The following PPFIA2 variants were observed in gnomAD, a reference collection of about 807,000 sequenced individuals.
The protein encoded by PPFIA2 is liprin-alpha-2.
In PPFIA2, 46 loss-of-function variants were observed where a neutral mutation model predicts 175.5. The ratio of observed to expected loss-of-function variants is 0.26; its 90% CI spans 0.21 to 0.34. The LOEUF (loss-of-function observed/expected upper bound fraction) is 0.34, where lower values mean the gene tolerates loss of function less well. Among genes scored for constraint, PPFIA2 ranks in the 10% least tolerant of loss-of-function variants. The pLI, the probability that PPFIA2 is intolerant of heterozygous loss-of-function variation, is 1.00. For missense variants in PPFIA2, 1,179 were observed against 1,506.1 expected (o/e 0.78, Z 3.60); for synonymous variants, 568 against 511.4 (o/e 1.11, Z -1.49).
intron 3 of PPFIA2, among the ~76,000 whole-genome samples, chr12:81,740,683 T>A (rs1293964251): frequency 6.6e-6 from 1 of 152,102 alleles, no homozygotes; most frequent in African/African-American, 2.4e-5. Flanking sequence ...AATAAATGAA[T>A]CATAAACATG....
At chr12:81,519,990 T>A (rs1202280250) in intron 4 of PPFIA2, among the ~76,000 whole-genome samples, 1 of 152,198 alleles carries the variant, frequency 6.6e-6, no homozygotes. Flanking sequence ...ATAAAAGTTA[T>A]GTGGATGTGG....
chr12:81,638,851 C>T (rs918524150), intron 4 of PPFIA2, among the ~76,000 whole-genome samples: 29 of 150,636 alleles, frequency 1.9e-4, no homozygotes, highest in African/African-American at 6.6e-4. Context: ...CTACGCCCGG[C>T]TAATTTTTTG....
At chr12:81,634,441 C>T (rs965727552) in intron 4 of PPFIA2, among the ~76,000 whole-genome samples, 3 of 152,016 alleles carry the variant, frequency 2.0e-5, no homozygotes, top group African/African-American at 7.2e-5. Flanking sequence ...TTTGGTTGAA[C>T]TGATGAAGCA....
At chr12:81,439,925 T>C in intron 7 of PPFIA2, 47 bp downstream of exon 7, 1 of 1,412,202 alleles carries the variant, frequency 7.1e-7, no homozygotes, top group Non-Finnish European at 9.8e-7. Flanking sequence ...AGGGATGTAA[T>C]GTCAGCGATA....
chr12:81,560,504 T>C (rs2069823602), intron 4 of PPFIA2, among the ~76,000 whole-genome samples: 1 of 152,184 alleles, frequency 6.6e-6, no homozygotes, highest in African/African-American at 2.4e-5. Context: ...GATGACTTAC[T>C]TCTTTCATAA....
chr12:81,718,181 G>A lies in PPFIA2; in HGVS notation c.249+35792C>T, dbSNP rs186459881. Among the ~76,000 whole-genome samples the A allele has an allele frequency of 3.4e-3, 512 of 151,720 alleles. 3 individuals are homozygous for A. Among genetic ancestry groups the A allele is most frequent in the South Asian group, 0.012 (56 of 4,820 alleles). On this transcript the variant is annotated intron_variant, in intron 3 of 32. Transcript: ENST00000549396. ...TTTTAATATGTCAGGTAGTGACATGGCTTTGTGGCTAGAGGAAGACAGAGA... is the reference window on the plus strand; with the variant it reads ...TTTTAATATGTCAGGTAGTGACATGACTTTGTGGCTAGAGGAAGACAGAGA...
chr12:81,734,553 A>G (rs1394642062), intron 3 of PPFIA2, among the ~76,000 whole-genome samples: 1 of 151,802 alleles, frequency 6.6e-6, no homozygotes, highest in Non-Finnish European at 1.5e-5. Context: ...TGTTAAAAGT[A>G]TAAAATCAAA....
chr12:81,307,083 A>G (rs1339026512), intron 22 of PPFIA2, among the ~76,000 whole-genome samples: 3 of 152,094 alleles, frequency 2.0e-5, no homozygotes, highest in Non-Finnish European at 4.4e-5. Flanking sequence ...TACTTTTTCA[A>G]CTATCAACAA....
intron 22 of PPFIA2, among the ~76,000 whole-genome samples, chr12:81,319,072 A>G (rs1287633831): frequency 1.3e-5 from 2 of 151,690 alleles, no homozygotes; most frequent in Non-Finnish European, 3.0e-5. Flanking sequence ...TTCATATACT[A>G]ATTTTTATTT....
intron 4 of PPFIA2, among the ~76,000 whole-genome samples, chr12:81,570,820 T>G (rs1255212328): frequency 6.6e-6 from 1 of 151,622 alleles, no homozygotes; most frequent in Non-Finnish European, 1.5e-5. Flanking sequence ...AGTTTCACCA[T>G]GTCTACCAGG....
Position 81,263,161 on chromosome 12 carries a change from T to C in PPFIA2, c.3715+70A>G, listed in dbSNP as rs555741010. On this transcript the variant is annotated intron_variant, in intron 31 of 32. Coordinates refer to ENST00000549396, the MANE Select transcript of PPFIA2 (RefSeq NM_003625.5). ...AAGAAAATAATTCCAAAAAGCAAGG[T>C]CAGAGAATTATACTAGCTTTGGCTA... The C allele has an allele frequency of 6.8e-4, 948 of 1,390,646 alleles. 7 individuals are homozygous for C. In the Middle Eastern group the frequency reaches 7.8e-3, roughly 11 times the overall value. The allele number at this position is 1,390,646 out of a possible 1,614,324, so 86.1% of individuals were successfully genotyped here.
At chr12:81,646,782 G>A (rs2066147578) in intron 4 of PPFIA2, among the ~76,000 whole-genome samples, 2 of 151,850 alleles carry the variant, frequency 1.3e-5, no homozygotes, top group South Asian at 4.2e-4. Context: ...AAGGGGAGTG[G>A]ACATTCAGGA....
intron 3 of PPFIA2, among the ~76,000 whole-genome samples, chr12:81,705,071 TGAAACTCTGTCTAAAAAA>T (rs2076947484): frequency 1.3e-5 from 1 of 75,508 alleles, no homozygotes; most frequent in South Asian, 4.1e-4. Context: ...GCAACAAGAG[TGAAACTCTGTCTAAAAAA>T]AAAAAAAAAA....
intron 4 of PPFIA2, among the ~76,000 whole-genome samples, chr12:81,639,394 C>T (rs2064623618): frequency 6.6e-6 from 1 of 152,026 alleles, no homozygotes; most frequent in Non-Finnish European, 1.5e-5. Flanking sequence ...ACTCCCAAGC[C>T]TAGAAATATC....
intron 22 of PPFIA2, among the ~76,000 whole-genome samples, chr12:81,323,775 A>G (rs2054173278): frequency 6.6e-6 from 1 of 152,088 alleles, no homozygotes; most frequent in Non-Finnish European, 1.5e-5. Context: ...GGTAATCCAG[A>G]AATCAAGCCA....
intron 22 of PPFIA2, among the ~76,000 whole-genome samples, chr12:81,309,461 T>C (rs1161403952): frequency 6.6e-6 from 1 of 152,142 alleles, no homozygotes; most frequent in African/African-American, 2.4e-5. Context: ...TTCATAAAAT[T>C]AAGAGTTTCA....
intron 22 of PPFIA2, among the ~76,000 whole-genome samples, chr12:81,318,164 TATTTCTA>T (rs2052831502): frequency 6.6e-6 from 1 of 151,726 alleles, no homozygotes; most frequent in Non-Finnish European, 1.5e-5. Flanking sequence ...CACATATTCC[TATTTCTA>T]CCAGTCTTTG....
At chr12:81,474,532 T>TA (rs2057232182) in intron 4 of PPFIA2, among the ~76,000 whole-genome samples, 1 of 152,152 alleles carries the variant, frequency 6.6e-6, no homozygotes, top group Non-Finnish European at 1.5e-5. Flanking sequence ...CCTCAAGTGA[T>TA]CCGCCTGTGC....
chr12:81,737,775 T>C (rs2081807642), intron 3 of PPFIA2, among the ~76,000 whole-genome samples: 1 of 151,840 alleles, frequency 6.6e-6, no homozygotes, highest in African/African-American at 2.4e-5. Flanking sequence ...CAGAGAAAAT[T>C]AGTGAACTAA....
Sources: gnomAD v4.1 joint callset for allele counts (sites outside exome capture counted in the v4.1 genomes callset) on GRCh38, gnomAD v4.1.1 for gene constraint, MANE v1.5 for transcripts, NCBI Gene and HGNC (gene_info 2026-07-23, HGNC 2026-07-21) for gene names.